CACNA1F: variants seen among roughly 807,000 people sequenced by gnomAD.
CACNA1F encodes the protein calcium voltage-gated channel subunit alpha1 F, also known as voltage-dependent L-type calcium channel subunit alpha-1F.
In CACNA1F, 59 loss-of-function variants were observed where a neutral mutation model predicts 143.8. That is an observed-to-expected ratio of 0.41 (90% CI 0.33 to 0.51). The LOEUF is 0.51. CACNA1F is among the 20% of genes least tolerant of loss of function. The probability of loss-of-function intolerance (pLI) is 0.22; values close to 1 mark genes in which losing one functional copy is unlikely to be tolerated. For synonymous variants in CACNA1F, 643 were observed against 649.1 expected (o/e 0.99, Z 0.14); for missense variants, 1,411 against 1,647.5 (o/e 0.86, Z 2.48).
At position 49,219,808 on chromosome X, in the gene CACNA1F, CA is replaced by C. The variant is rs375791434; in HGVS notation, c.2387-19del. The C allele has an allele frequency of 7.5e-3, 7,260 of 971,951 alleles. 187 individuals carry two copies. The East Asian group carries it at 0.082, about 11-fold the overall frequency. 80.1% of individuals were successfully genotyped at this position (971,951 alleles called of 1,213,427 possible). A position where few individuals can be genotyped will look rare whatever the true frequency, so the allele number is the denominator to read the frequency against. ...CTCCATGTCTGGCACCAGAGAAAAG[CA>C]AAAAAAAATTAATTGAGCAAGTTGA... is the stretch of plus-strand genomic sequence containing the variant. On this transcript the variant is annotated intron_variant, in intron 19 of 47. Coordinates refer to ENST00000323022, the MANE Select transcript of CACNA1F (RefSeq NM_001256789.3).
chrX:49,221,998 A>T lies in CACNA1F; in HGVS notation c.2288+524T>A, dbSNP rs1221815778. On this transcript the variant is annotated intron_variant, in intron 17 of 47. Coordinates refer to ENST00000323022, the MANE Select transcript of CACNA1F (RefSeq NM_001256789.3). ...AACTCCATATCAGAATAAAAAAAAA[A>T]AGTGCTAAGAACATTAGCGCCCCAG... Among the ~76,000 whole-genome samples the T allele has an allele frequency of 5.5e-5, 6 of 108,502 alleles. No homozygotes were observed. The East Asian group carries it at 1.2e-3, about 21-fold the overall frequency. The allele number at this position is 108,502 out of a possible 115,157, so 94.2% of individuals were successfully genotyped here. A position where few individuals can be genotyped will look rare whatever the true frequency, so the allele number is the denominator to read the frequency against.
rs368976030 is a variant in CACNA1F at position 49,218,617 on chromosome X, T to C, written c.2840+12A>G. ...TGAGAGGAATGGGGTGGGCTGGGGA[T>C]CTGTCACTTACTGGATGCCAAAGGA... On this transcript the variant is annotated intron_variant, in intron 23 of 47. Coordinates refer to ENST00000323022, the MANE Select transcript of CACNA1F (RefSeq NM_001256789.3). 23 of 1,187,240 alleles carry C rather than the reference T, an allele frequency of 1.9e-5. No individual in the cohort carries two copies. Among genetic ancestry groups the C allele is most frequent in the Non-Finnish European group, 2.3e-5 (20 of 879,499 alleles).
At chrX:49,209,161 C>T in intron 42 of CACNA1F, 101 bp downstream of exon 42, 1 of 1,022,302 alleles carries the variant, frequency 9.8e-7, no homozygotes, top group Non-Finnish European at 1.4e-6. Context: ...GAGGGGGCTT[C>T]TCTGGGGGAG....
At chrX:49,211,182 C>T in intron 36 of CACNA1F, 90 bp from the exon 37 acceptor site, 2 of 1,114,001 alleles carry the variant, frequency 1.8e-6, no homozygotes, top group South Asian at 3.7e-5. Flanking sequence ...CTTATATGGT[C>T]ATGAGTCTCT....
chrX:49,210,355 A>T lies in CACNA1F; in HGVS notation c.4534T>A (p.Phe1512Ile), dbSNP rs1468372611. The change falls in exon 39 of 48, where the codon TTC (phenylalanine) becomes ATC (isoleucine). Residue 1512 changes from phenylalanine to isoleucine, a missense_variant. Coordinates refer to ENST00000323022, the MANE Select transcript of CACNA1F (RefSeq NM_001256789.3). Reference protein sequence around the residue: ...MPLNSDGTVTFNATLFALVRT... With the variant: ...MPLNSDGTVTINATLFALVRT... ...ACCAGGGCAAAGAGTGTGGCGTTGA[A>T]TGTCACCGTCCCATCTGAGTTGAGG... 1.7e-6 allele frequency: 2 copies of T among 1,207,369 alleles called. No individual in the cohort carries two copies. The highest frequency in any genetic ancestry group is 2.2e-6 in the Non-Finnish European group (2 of 892,942).
rs140177433 is a variant in CACNA1F, at chrX:49,206,768, G to A, written c.5319C>T (p.His1773=). The A allele has an allele frequency of 1.9e-5, 23 of 1,208,374 alleles. No homozygotes were observed. Among genetic ancestry groups the A allele is most frequent in the Non-Finnish European group, 2.4e-5 (21 of 893,114 alleles). The part of the protein sequence containing the change: ...PHRAQRYMDG[H]LVPRRRLLPP... ...GCAGCAGACGGCGGCGTGGTACCAG[G>A]TGCCCATCCATGTATCTCTGAGCTC... Residue 1773 remains histidine, a synonymous_variant, in exon 45 of 48, where the codon CAC becomes CAT. Coordinates refer to ENST00000323022, the MANE Select transcript of CACNA1F (RefSeq NM_001256789.3).
chrX:49,212,910 G>A lies in CACNA1F; in HGVS notation c.3813+64C>T, dbSNP rs186836712. The A allele has an allele frequency of 2.9e-4, 338 of 1,168,359 alleles. 2 individuals carry two copies. The East Asian group carries it at 8.0e-3, about 28-fold the overall frequency. On this transcript the variant is annotated intron_variant, in intron 32 of 47. Coordinates refer to ENST00000323022, the MANE Select transcript of CACNA1F (RefSeq NM_001256789.3). ...CACTCAGGCCCTAGGGTAATCTGGA[G>A]GGATGGAGGGACAGAGGGACATGGG... is the stretch of plus-strand genomic sequence containing the variant.
chrX:49,229,322 C>A (rs782190224), intron 6 of CACNA1F, among the ~76,000 whole-genome samples: 29 of 110,396 alleles, frequency 2.6e-4, no homozygotes, highest in Non-Finnish European at 3.2e-4. Context: ...ACGCCCGGCT[C>A]AACTTTGTAT....
rs1557111712 is a variant in CACNA1F, at chrX:49,233,335, C to T, written c.-26G>A. On this transcript the variant is annotated 5_prime_UTR_variant, in exon 1 of 48. Coordinates refer to ENST00000323022, the MANE Select transcript of CACNA1F (RefSeq NM_001256789.3). ...CTTTCTTTCGAGATTGAAGGGCCAT[C>T]TGCACACAACCCCCCTCTCTTCCCC... 10 of 1,153,692 alleles carry T rather than the reference C, an allele frequency of 8.7e-6. No individual in the cohort carries two copies. The highest frequency in any genetic ancestry group is 1.1e-5 in the Non-Finnish European group (9 of 844,199).
At chrX:49,211,278 A>G (rs781965708) in intron 36 of CACNA1F, 44 bp downstream of exon 36, 2 of 1,198,654 alleles carry the variant, frequency 1.7e-6, no homozygotes, top group Non-Finnish European at 2.3e-6. Context: ...CCTCAGGGCC[A>G]GCCCCCGTGA....
Position 49,226,085 on chromosome X carries a change from C to A in CACNA1F, c.1491-16G>T. ...GAGGCGGCGGCTGGGGGAAGGGGAG[C>A]CCACAGGCTGAGATCACCTACCTAA... On this transcript the variant is annotated splice_polypyrimidine_tract_variant and intron_variant, in intron 12 of 47. Coordinates refer to ENST00000323022, the MANE Select transcript of CACNA1F (RefSeq NM_001256789.3). 1 of 1,191,884 alleles carries A rather than the reference C, an allele frequency of 8.4e-7. No homozygotes were observed. Among genetic ancestry groups the A allele is most frequent in the South Asian group, 1.8e-5 (1 of 54,773 alleles).
chrX:49,224,482 C>T (rs2065804733), intron 14 of CACNA1F, among the ~76,000 whole-genome samples: 1 of 109,940 alleles, frequency 9.1e-6, no homozygotes, highest in South Asian at 3.9e-4. Context: ...GCATTGAAAT[C>T]GGAGACAGGG....
rs1376164434 is a variant in CACNA1F, at chrX:49,213,799, G to A, written c.3792+20C>T. 1.8e-6 allele frequency: 2 copies of A among 1,111,283 alleles called. No individual in the cohort carries two copies. Among genetic ancestry groups the A allele is most frequent in the Non-Finnish European group, 2.5e-6 (2 of 804,910 alleles). The allele number at this position is 1,111,283 out of a possible 1,213,427, so 91.6% of individuals were successfully genotyped here. ...AGGTGTATAGGGCGAGAGTGGATTA[G>A]TGGAAAGGCCAGTTCTCACATTGAC... is the stretch of plus-strand genomic sequence containing the variant. On this transcript the variant is annotated intron_variant, in intron 31 of 47. Coordinates refer to ENST00000323022, the MANE Select transcript of CACNA1F (RefSeq NM_001256789.3).
intron 20 of CACNA1F, 89 bp downstream of exon 20, chrX:49,219,545 T>C: frequency 8.5e-7 from 1 of 1,175,023 alleles, no homozygotes; most frequent in Non-Finnish European, 1.1e-6. Flanking sequence ...ACAACACCCA[T>C]GCCCCCACTC....
rs1341422094 is a variant in CACNA1F, at chrX:49,208,618, C to T, written c.5020G>A (p.Asp1674Asn). The change falls in exon 43 of 48, where the codon GAC becomes AAC. Residue 1674 changes from aspartate to asparagine, a missense_variant. Physicochemically the swap from Asp to Asn is conservative, Grantham distance 23. This residue lies in a region of CACNA1F where 349 missense variants were observed against 350.2 expected (regional missense o/e 1.00). Coordinates refer to ENST00000323022, the MANE Select transcript of CACNA1F (RefSeq NM_001256789.3). The stretch of plus-strand genomic sequence containing the variant: ...AAGGAGAGTGAATCTGGAAGTCTGT[C>T]CCCGACAGGCAGAGACACAGAAATC... ...SGISVSLPVG[D>N]RLPDSLSFGP... 6.6e-6 allele frequency: 8 copies of T among 1,208,625 alleles called. No homozygotes were observed. The South Asian group carries it at 7.0e-5, about 11-fold the overall frequency.
chrX:49,223,422 G>T (rs1557109209), intron 14 of CACNA1F, among the ~76,000 whole-genome samples: 1 of 107,037 alleles, frequency 9.3e-6, no homozygotes, highest in Non-Finnish European at 1.9e-5. Flanking sequence ...GGCTAACACG[G>T]TGAAACCCCG....
chrX:49,212,338 T>C lies in CACNA1F; in HGVS notation c.3943-30A>G, dbSNP rs782340824. The C allele has an allele frequency of 2.5e-5, 27 of 1,085,133 alleles. No individual in the cohort carries two copies. In the South Asian group the frequency reaches 4.9e-4, roughly 20 times the overall value. The allele number at this position is 1,085,133 out of a possible 1,213,427, so 89.4% of individuals were successfully genotyped here. A position where few individuals can be genotyped will look rare whatever the true frequency, so the allele number is the denominator to read the frequency against. On this transcript the variant is annotated intron_variant, in intron 33 of 47. Coordinates refer to ENST00000323022, the MANE Select transcript of CACNA1F (RefSeq NM_001256789.3). ...AGGGATGGGGGAGGGGGGCAGAGAA[T>C]AGATGCACAGGCTCAGGCAAAGAAC... is the stretch of plus-strand genomic sequence containing the variant.
intron 43 of CACNA1F, among the ~76,000 whole-genome samples, chrX:49,208,120 C>T (rs1253049875): frequency 9.4e-6 from 1 of 105,854 alleles, no homozygotes; most frequent in Non-Finnish European, 1.9e-5. Flanking sequence ...ATCGCTTGAA[C>T]CCGGGAGGCA....
chrX:49,205,711 C>T lies in CACNA1F; in HGVS notation c.5575G>A (p.Gly1859Ser), dbSNP rs781823188. The change falls in exon 47 of 48, where the codon GGC (glycine) becomes AGC (serine). Residue 1859 changes from glycine to serine, a missense_variant. Physicochemically the swap from Gly to Ser is moderately conservative, Grantham distance 56. This residue lies in a region of CACNA1F where 349 missense variants were observed against 350.2 expected (regional missense o/e 1.00). Coordinates refer to ENST00000323022, the MANE Select transcript of CACNA1F (RefSeq NM_001256789.3). ...AGACAGGTGAAGGTGCGCAGTGGGC[C>T]ACTGGATCTGCCGAGGTACCCCTCC... ...AGEGYLGRSS[G>S]PLRTFTCLHV... 5.8e-6 allele frequency: 7 copies of T among 1,203,240 alleles called. No homozygotes were observed. The Admixed American group carries it at 1.3e-4, about 23-fold the overall frequency.
Sources: gnomAD v4.1 joint callset for allele counts (sites outside exome capture counted in the v4.1 genomes callset) on GRCh38, gnomAD v4.1.1 for gene constraint, gnomAD v4.1.1 regional missense constraint, MANE v1.5 for transcripts, NCBI Gene and HGNC (gene_info 2026-07-23, HGNC 2026-07-21) for gene names.